SPMIP2: variants seen among roughly 807,000 people sequenced by gnomAD.
The protein encoded by SPMIP2 is protein SPMIP2.
chr4:158,898,522 G>A, the SPMIP2 span, among the ~76,000 whole-genome samples: 1 of 152,058 alleles, frequency 6.6e-6, no homozygotes, highest in Non-Finnish European at 1.5e-5. Flanking sequence ...CTTGAGCAGT[G>A]GTTTGCAGTT....
the SPMIP2 span, among the ~76,000 whole-genome samples, chr4:159,011,347 A>G: frequency 2.5e-3 from 384 of 152,350 alleles, no homozygotes; most frequent in African/African-American, 9.0e-3. Context: ...AAAAGCTTTT[A>G]TCATGATCTG....
the SPMIP2 span, among the ~76,000 whole-genome samples, chr4:159,046,480 A>T: frequency 6.6e-6 from 1 of 152,226 alleles, no homozygotes. Context: ...CCTCAGCAGC[A>T]CTGGGAGTAT....
chr4:159,069,712 C>A, the SPMIP2 span, among the ~76,000 whole-genome samples: 1 of 152,088 alleles, frequency 6.6e-6, no homozygotes, highest in Non-Finnish European at 1.5e-5. Flanking sequence ...ACATTTTTCT[C>A]ATACCCTTTA....
At chr4:158,925,595 A>G in the SPMIP2 span, among the ~76,000 whole-genome samples, 46 of 152,206 alleles carry the variant, frequency 3.0e-4, no homozygotes, top group African/African-American at 1.1e-3. Flanking sequence ...GAAGCACACA[A>G]CCTAGATCCC....
At chr4:159,078,099 TA>T in the SPMIP2 span, among the ~76,000 whole-genome samples, 1 of 152,216 alleles carries the variant, frequency 6.6e-6, no homozygotes, top group Non-Finnish European at 1.5e-5. Flanking sequence ...ACTTTGATTT[TA>T]TTTTTTTGAT....
chr4:159,052,078 C>G, the SPMIP2 span, among the ~76,000 whole-genome samples: 2 of 152,032 alleles, frequency 1.3e-5, no homozygotes, highest in African/African-American at 4.8e-5. Flanking sequence ...AGATTCCCCC[C>G]AGAAAGTGCA....
At chr4:159,057,110 A>C in the SPMIP2 span, among the ~76,000 whole-genome samples, 1 of 152,180 alleles carries the variant, frequency 6.6e-6, no homozygotes, top group African/African-American at 2.4e-5. Context: ...TTATCTATGG[A>C]CAATGGGAGC....
chr4:158,985,705 T>A, the SPMIP2 span, among the ~76,000 whole-genome samples: 7 of 151,800 alleles, frequency 4.6e-5, no homozygotes, highest in African/African-American at 1.7e-4. Flanking sequence ...CTGGAAGCAT[T>A]CCCTTTGAAA....
chr4:158,898,758 T>C, the SPMIP2 span, among the ~76,000 whole-genome samples: 1 of 152,224 alleles, frequency 6.6e-6, no homozygotes, highest in Non-Finnish European at 1.5e-5. Flanking sequence ...GTTTTCCAAA[T>C]ATACAATCAT....
At chr4:158,980,223 A>G in the SPMIP2 span, among the ~76,000 whole-genome samples, 4 of 152,132 alleles carry the variant, frequency 2.6e-5, no homozygotes, top group South Asian at 6.2e-4. Context: ...TTATAGATAA[A>G]TTCTCCTCTC....
At chr4:159,056,293 A>G in the SPMIP2 span, among the ~76,000 whole-genome samples, 5 of 152,298 alleles carry the variant, frequency 3.3e-5, no homozygotes, top group South Asian at 1.0e-3. Context: ...CCTTAAAGCT[A>G]TCATTTCATT....
the SPMIP2 span, chr4:158,905,567 AT>A: frequency 6.6e-6 from 1 of 152,176 alleles, no homozygotes; most frequent in Non-Finnish European, 1.5e-5. Flanking sequence ...AAAAATTCAT[AT>A]ATGATCTAAA....
the SPMIP2 span, among the ~76,000 whole-genome samples, chr4:158,923,844 GT>G: frequency 2.2e-3 from 339 of 150,990 alleles, 2 homozygotes; most frequent in Non-Finnish European, 3.5e-3. Flanking sequence ...ATTCTCTGTG[GT>G]TTTTTTTTAT....
the SPMIP2 span, among the ~76,000 whole-genome samples, chr4:158,996,506 A>G: frequency 1.3e-5 from 2 of 152,228 alleles, no homozygotes; most frequent in African/African-American, 4.8e-5. Flanking sequence ...ACTAATAAAA[A>G]TCCATTTGAG....
chr4:158,933,494 T>A, the SPMIP2 span, among the ~76,000 whole-genome samples: 1 of 152,180 alleles, frequency 6.6e-6, no homozygotes, highest in Non-Finnish European at 1.5e-5. Flanking sequence ...CCCTCCTCCA[T>A]ATGCTGAAGT....
chr4:159,026,574 G>T, the SPMIP2 span: 2 of 462,912 alleles, frequency 4.3e-6, no homozygotes, highest in Admixed American at 2.9e-5. Context: ...AAATCAACAA[G>T]CTCAGTTCAA....
chr4:159,024,192 A>C, the SPMIP2 span, among the ~76,000 whole-genome samples: 29 of 152,238 alleles, frequency 1.9e-4, no homozygotes, highest in African/African-American at 5.5e-4. Context: ...TGACCAACTA[A>C]ATGATTTGAC....
the SPMIP2 span, among the ~76,000 whole-genome samples, chr4:159,009,994 AAAAAAC>A: frequency 6.6e-6 from 1 of 152,134 alleles, no homozygotes; most frequent in Non-Finnish European, 1.5e-5. Context: ...CTTTGTCACA[AAAAAAC>A]AAAAACAAAA....
chr4:159,082,746 A>C, the SPMIP2 span, among the ~76,000 whole-genome samples: 1 of 152,194 alleles, frequency 6.6e-6, no homozygotes, highest in Non-Finnish European at 1.5e-5. Context: ...GCAGGTAAAT[A>C]ATCAATTCAA....
Sources: allele counts gnomAD v4.1 joint callset (sites outside exome capture counted in the v4.1 genomes callset), GRCh38; gene constraint gnomAD v4.1.1; transcripts MANE v1.5; gene names NCBI Gene and HGNC (gene_info 2026-07-23, HGNC 2026-07-21).